ARHGEF7: variants seen among roughly 807,000 people sequenced by gnomAD.
ARHGEF7 encodes the protein Rho guanine nucleotide exchange factor 7.
A neutral mutation model predicts 109.8 loss-of-function variants in ARHGEF7; 33 were observed. That is an observed-to-expected ratio of 0.30 (90% CI 0.23 to 0.40). The LOEUF (loss-of-function observed/expected upper bound fraction) is 0.40. Among genes scored for constraint, ARHGEF7 ranks in the 10% least tolerant of loss-of-function variants. ARHGEF7 has a pLI of 1.00. For synonymous variants in ARHGEF7, 458 were observed against 424.6 expected, an observed-to-expected ratio of 1.08 and a Z score of -0.97; for missense variants, 938 against 1,098.5, an observed-to-expected ratio of 0.85 and a Z score of 2.07.
rs977983128 is a variant in ARHGEF7 at position 111,272,909 on chromosome 13, A to G, written c.1074-905A>G. ...GGGTGAAGAGCTGGACCCCCCACAG[A>G]AGCCTGCCCGTGTCCTCTGCCACAG... On this transcript the variant is annotated intron_variant, in intron 9 of 21. Transcript: ENST00000646102. This position sits in a 1 kb window ranked among gnomAD's most constrained non-coding sequence, Gnocchi z 5.2. Among the ~76,000 whole-genome samples, 1 of 152,192 alleles carries G rather than the reference A, an allele frequency of 6.6e-6. No homozygotes were observed. The highest frequency in any genetic ancestry group is 1.5e-5 in the Non-Finnish European group (1 of 68,034).
At chr13:111,129,126 C>G (rs999009085) in intron 1 of ARHGEF7, among the ~76,000 whole-genome samples, 5 of 152,178 alleles carry the variant, frequency 3.3e-5, no homozygotes, top group African/African-American at 1.2e-4. Flanking sequence ...ACACTCTTTT[C>G]AGTAAATGAT....
chr13:111,273,900 T>G lies in ARHGEF7; in HGVS notation c.1160T>G (p.Met387Arg), dbSNP rs752879293. ...ACCACGGGCCTGAGCAAACCCTTCA[T>G]GCGCCTGGATAAATACCCTACGCTG... ...VLTTGLSKPF[M>R]RLDKYPTLLK... The change falls in exon 10 of 22, where the codon ATG (methionine) becomes AGG (arginine). Residue 387 changes from methionine (M) to arginine (R), a missense_variant. This residue lies in a region of ARHGEF7 where 585 missense variants were observed against 723.6 expected (regional missense o/e 0.81). Transcript: ENST00000646102. This position sits in a 1 kb window ranked among gnomAD's most constrained non-coding sequence, Gnocchi z 4.5. 2 of 1,614,090 alleles carry G rather than the reference T, an allele frequency of 1.2e-6. No individual in the cohort carries two copies. Among genetic ancestry groups the G allele is most frequent in the African/African-American group, 2.7e-5 (2 of 74,918 alleles).
chr13:111,262,823 A>C (rs1953491087), intron 8 of ARHGEF7, among the ~76,000 whole-genome samples: 1 of 152,190 alleles, frequency 6.6e-6, no homozygotes, highest in Non-Finnish European at 1.5e-5. Context: ...CTGTCATCAG[A>C]TCATTCATGG....
chr13:111,259,027 A>G (rs969886636), intron 8 of ARHGEF7, among the ~76,000 whole-genome samples: 2 of 152,138 alleles, frequency 1.3e-5, no homozygotes, highest in African/African-American at 4.8e-5. Context: ...GGACTTTTTC[A>G]TGTGGCTTGG....
chr13:111,263,010 G>C (rs80265541), intron 8 of ARHGEF7, among the ~76,000 whole-genome samples: 4,180 of 152,314 alleles, frequency 0.027, 88 homozygotes, highest in Non-Finnish European at 0.04. Flanking sequence ...ACTCTGAAGA[G>C]CAGCCTATGG....
intron 2 of ARHGEF7, chr13:111,182,671 GC>G: frequency 6.6e-6 from 1 of 152,398 alleles, no homozygotes; most frequent in Non-Finnish European, 1.5e-5. Context: ...TCTCAGCTCT[GC>G]CCCCGCCATC....
intron 19 of ARHGEF7, chr13:111,294,326 C>T: frequency 1.0e-6 from 1 of 985,472 alleles, no homozygotes; most frequent in Non-Finnish European, 1.2e-6. Flanking sequence ...GCTGCCTTTG[C>T]CTTCTCGTAG....
intron 2 of ARHGEF7, among the ~76,000 whole-genome samples, chr13:111,181,950 G>C (rs2078780636): frequency 6.6e-6 from 1 of 152,216 alleles, no homozygotes; most frequent in Admixed American, 6.5e-5. Context: ...AAGCGTTGTG[G>C]ATTTGGTGAG....
At chr13:111,241,306 C>G in intron 6 of ARHGEF7, 3 of 1,536,130 alleles carry the variant, frequency 2.0e-6, no homozygotes, top group Non-Finnish European at 2.6e-6. Flanking sequence ...GCAGCCAGAG[C>G]GTGCAGAAGA....
At chr13:111,221,547 A>ATCTATATATCTATATATATAGATACG (rs2084326613) in intron 5 of ARHGEF7, among the ~76,000 whole-genome samples, 3 of 81,710 alleles carry the variant, frequency 3.7e-5, no homozygotes, top group Admixed American at 3.0e-4. Flanking sequence ...ATATAGATAC[A>ATCTATATATCTATATATATAGATACG]TATCTATATA....
At chr13:111,241,554 C>CT (rs1199451388) in intron 6 of ARHGEF7, among the ~76,000 whole-genome samples, 9 of 152,222 alleles carry the variant, frequency 5.9e-5, no homozygotes. Context: ...AATTAACCAA[C>CT]TTAACTATTT....
intron 1 of ARHGEF7, among the ~76,000 whole-genome samples, chr13:111,140,755 A>G (rs568713227): frequency 6.6e-6 from 1 of 152,246 alleles, no homozygotes; most frequent in East Asian, 1.9e-4. Context: ...GTGCAGTGGC[A>G]GATCACAGCT....
At chr13:111,208,123 C>T (rs1327084202) in intron 3 of ARHGEF7, among the ~76,000 whole-genome samples, 1 of 152,220 alleles carries the variant, frequency 6.6e-6, no homozygotes, top group Non-Finnish European at 1.5e-5. Flanking sequence ...TCACCGCAAC[C>T]TCCGCCTCCT....
intron 1 of ARHGEF7, among the ~76,000 whole-genome samples, chr13:111,124,163 C>T (rs1206487229): frequency 6.6e-6 from 1 of 152,098 alleles, no homozygotes; most frequent in Non-Finnish European, 1.5e-5. Context: ...TTACAGTTTC[C>T]TTGAAGGGTG....
intron 1 of ARHGEF7, among the ~76,000 whole-genome samples, chr13:111,121,530 G>A (rs2067200089): frequency 2.6e-5 from 4 of 152,210 alleles, no homozygotes; most frequent in South Asian, 2.1e-4. Flanking sequence ...GGGCAGAGCC[G>A]TTTGTTCTTG....
intron 1 of ARHGEF7, among the ~76,000 whole-genome samples, chr13:111,135,119 G>T (rs1023086502): frequency 2.7e-4 from 41 of 152,270 alleles, no homozygotes; most frequent in Non-Finnish European, 1.6e-4. Context: ...TAGATGTGTG[G>T]TATTATTTCT....
Position 111,283,376 on chromosome 13 carries a change from G to T in ARHGEF7, c.1950+13G>T. 1 of 1,539,382 alleles carries T rather than the reference G, an allele frequency of 6.5e-7. No individual in the cohort carries two copies. Among genetic ancestry groups the T allele is most frequent in the South Asian group, 1.2e-5 (1 of 84,040 alleles). On this transcript the variant is annotated intron_variant, in intron 16 of 21. Transcript: ENST00000646102. ...CTGCTACAAGGAGGTGAGGTCCCTT[G>T]ACCACTCAAACAGCCAGATGACGGT...
intron 1 of ARHGEF7, among the ~76,000 whole-genome samples, chr13:111,141,297 G>A (rs752402681): frequency 6.6e-6 from 1 of 151,478 alleles, no homozygotes; most frequent in Non-Finnish European, 1.5e-5. Flanking sequence ...CCTTTACTCC[G>A]CCTAGTCATC....
At chr13:111,126,890 AG>A (rs1193039544) in intron 1 of ARHGEF7, among the ~76,000 whole-genome samples, 1 of 152,234 alleles carries the variant, frequency 6.6e-6, no homozygotes, top group African/African-American at 2.4e-5. Context: ...TAGAAAAATA[AG>A]GGCAAATTAA....
Sources: gnomAD v4.1 joint callset for allele counts (sites outside exome capture counted in the v4.1 genomes callset) on GRCh38, gnomAD v4.1.1 for gene constraint, gnomAD v4.1.1 regional missense constraint, Gnocchi (gnomAD v3.1) non-coding constraint, MANE v1.5 for transcripts, NCBI Gene and HGNC (gene_info 2026-07-23, HGNC 2026-07-21) for gene names.